Variants in MED12L observed in about 807,000 individuals in gnomAD.
MED12L encodes the protein mediator of RNA polymerase II transcription subunit 12-like protein.
MED12L carries 60 observed loss-of-function variants against 281.3 expected under a neutral mutation model. The observed-to-expected ratio is 0.21, with a 90% CI of 0.17 to 0.26. MED12L has a LOEUF of 0.26. Ranked by LOEUF, MED12L falls within the 10% of genes least tolerant of loss-of-function variation. The pLI, the probability that MED12L is intolerant of heterozygous loss-of-function variation, is 1.00. For synonymous variants in MED12L, 974 were observed against 987.2 expected (o/e 0.99, Z 0.25); for missense variants, 2,146 against 2,680.9 (o/e 0.80, Z 4.41).
At chr3:151,377,315 A>G in intron 30 of MED12L, 137 bp downstream of exon 30, 1 of 690,302 alleles carries the variant, frequency 1.4e-6, no homozygotes, top group Non-Finnish European at 2.4e-6. Flanking sequence ...ATTATTATTA[A>G]TAAGTTAATG....
chr3:151,106,938 G>A (rs995737369), intron 2 of MED12L, among the ~76,000 whole-genome samples: 3 of 151,962 alleles, frequency 2.0e-5, no homozygotes, highest in Admixed American at 6.6e-5. Flanking sequence ...TTAAAGTATA[G>A]CCTGTAGTTG....
intron 5 of MED12L, among the ~76,000 whole-genome samples, chr3:151,139,060 A>G (rs1010269636): frequency 2.0e-5 from 3 of 152,138 alleles, no homozygotes; most frequent in Non-Finnish European, 4.4e-5. Flanking sequence ...AAGCATTTCT[A>G]TCAGTATTGA....
At chr3:151,313,781 T>A (rs560216133) in intron 16 of MED12L, among the ~76,000 whole-genome samples, 82 of 151,766 alleles carry the variant, frequency 5.4e-4, no homozygotes, top group African/African-American at 1.9e-3. Flanking sequence ...GAGGCAGAGG[T>A]TACATGGTGG....
chr3:151,230,431 A>G (rs2149321058), intron 16 of MED12L, among the ~76,000 whole-genome samples: 1 of 152,296 alleles, frequency 6.6e-6, no homozygotes, highest in East Asian at 1.9e-4. Flanking sequence ...CCATTTCATT[A>G]TTGCCTCAGG....
chr3:151,132,630 A>G (rs1715563434), intron 5 of MED12L, among the ~76,000 whole-genome samples: 1 of 151,978 alleles, frequency 6.6e-6, no homozygotes, highest in South Asian at 2.1e-4. Flanking sequence ...TTACTATTCT[A>G]CCCTTTGTAA....
chr3:151,246,761 T>C (rs1735603436), intron 16 of MED12L, among the ~76,000 whole-genome samples: 4 of 152,228 alleles, frequency 2.6e-5, no homozygotes, highest in South Asian at 4.1e-4. Context: ...AAAGCCAAAA[T>C]TGACAAATGG....
intron 16 of MED12L, among the ~76,000 whole-genome samples, chr3:151,235,542 A>G (rs1408280018): frequency 6.6e-6 from 1 of 152,042 alleles, no homozygotes; most frequent in Non-Finnish European, 1.5e-5. Flanking sequence ...CATCTCTACT[A>G]AAAATACAAA....
chr3:151,350,212 G>T lies in MED12L; in HGVS notation c.2398+6G>T. Reference sequence around the variant, plus strand: ...GAGCACCACAGAGACAGGGGGTAAAGAACCTTAATGCATTTGCTCCCATTG... The same window carrying T: ...GAGCACCACAGAGACAGGGGGTAAATAACCTTAATGCATTTGCTCCCATTG... On this transcript the variant is annotated splice_donor_region_variant and intron_variant, in intron 17 of 44. Coordinates refer to ENST00000687756, the MANE Select transcript of MED12L (RefSeq NM_001393769.1). 1 of 1,612,672 alleles carries T rather than the reference G, an allele frequency of 6.2e-7. No homozygotes were observed. The highest frequency in any genetic ancestry group is 8.5e-7 in the Non-Finnish European group (1 of 1,179,290).
intron 5 of MED12L, among the ~76,000 whole-genome samples, chr3:151,147,294 T>G (rs894927618): frequency 1.1e-4 from 16 of 152,222 alleles, no homozygotes; most frequent in African/African-American, 3.9e-4. Context: ...AGAAATAATC[T>G]TTTACTTCAT....
chr3:151,246,402 G>A (rs980555648), intron 16 of MED12L, among the ~76,000 whole-genome samples: 10 of 152,000 alleles, frequency 6.6e-5, no homozygotes, highest in Admixed American at 4.6e-4. Context: ...AAAACAGCAT[G>A]GTACTGGTAC....
At chr3:151,308,313 T>G (rs1577294377) in intron 16 of MED12L, among the ~76,000 whole-genome samples, 1 of 152,228 alleles carries the variant, frequency 6.6e-6, no homozygotes, top group South Asian at 2.1e-4. Context: ...TATGTAGTTG[T>G]GAGTAATAAG....
At chr3:151,116,064 CAAAAAAAAAAAAAA>C (rs59017489) in intron 2 of MED12L, among the ~76,000 whole-genome samples, 1 of 92,268 alleles carries the variant, frequency 1.1e-5, no homozygotes, top group Non-Finnish European at 2.1e-5. Context: ...ACTCCATCTC[CAAAAAAAAAAAAAA>C]AAAAAAAAAG....
At chr3:151,124,061 A>G (rs1007955422) in intron 4 of MED12L, among the ~76,000 whole-genome samples, 2 of 152,194 alleles carry the variant, frequency 1.3e-5, no homozygotes, top group African/African-American at 4.8e-5. Flanking sequence ...ACTGTGGCCT[A>G]TGAATTGTAT....
intron 17 of MED12L, among the ~76,000 whole-genome samples, chr3:151,351,556 T>G (rs1192148516): frequency 2.6e-5 from 4 of 152,182 alleles, no homozygotes; most frequent in African/African-American, 9.7e-5. Context: ...TATCTGTTGT[T>G]TTGGTGTTTT....
chr3:151,207,251 T>C (rs1000866188), intron 16 of MED12L, among the ~76,000 whole-genome samples: 10 of 152,296 alleles, frequency 6.6e-5, no homozygotes, highest in African/African-American at 2.4e-4. Context: ...CAAGTATTTA[T>C]GAAAAATTAT....
chr3:151,230,506 T>C (rs563578651), intron 16 of MED12L, among the ~76,000 whole-genome samples: 1 of 152,118 alleles, frequency 6.6e-6, no homozygotes, highest in Non-Finnish European at 1.5e-5. Flanking sequence ...TACACTACAC[T>C]TTGATGCTCA....
rs1280815787 is a variant in MED12L, at chr3:151,086,936, T to C, written c.10T>C (p.Phe4Leu). 1 of 1,599,428 alleles carries C rather than the reference T, an allele frequency of 6.3e-7. No homozygotes were observed. The highest frequency in any genetic ancestry group is 1.7e-5 in the Admixed American group (1 of 58,214). The part of the protein sequence containing the change: MAA[F>L]GLLSYEQRPL... ...GTTAACATGAGAGATCATGGCCGCC[T>C]TCGGGCTTCTCAGCTATGAGCAGAG... is the stretch of plus-strand genomic sequence containing the variant. The change falls in exon 2 of 45, where the codon TTC (phenylalanine) becomes CTC (leucine). Residue 4 changes from phenylalanine (F) to leucine (L), a missense_variant. This residue lies in a region of MED12L where 44 missense variants were observed against 39.7 expected (regional missense o/e 1.11). Coordinates refer to ENST00000687756, the MANE Select transcript of MED12L (RefSeq NM_001393769.1).
intron 16 of MED12L, among the ~76,000 whole-genome samples, chr3:151,311,274 C>G (rs567311290): frequency 3.3e-5 from 5 of 151,760 alleles, no homozygotes; most frequent in African/African-American, 1.2e-4. Context: ...ACTGTTGGCT[C>G]TAGGCACAGA....
chr3:151,428,513 G>T (rs1199670206), intron 43 of MED12L, among the ~76,000 whole-genome samples: 1 of 151,902 alleles, frequency 6.6e-6, no homozygotes, highest in East Asian at 1.9e-4. Flanking sequence ...AAGGCTCTTA[G>T]AATTAGTCAT....
Sources: allele counts gnomAD v4.1 joint callset (sites outside exome capture counted in the v4.1 genomes callset), GRCh38; gene constraint gnomAD v4.1.1; regional missense constraint gnomAD v4.1.1; transcripts MANE v1.5; gene names NCBI Gene and HGNC (gene_info 2026-07-23, HGNC 2026-07-21).